The following FILIP1 variants were observed in gnomAD, a reference collection of about 807,000 sequenced individuals.
The protein encoded by FILIP1 is filamin-A-interacting protein 1.
Under a neutral mutation model 102.1 loss-of-function variants are expected in FILIP1, and 61 were observed. That is an observed-to-expected ratio of 0.60 (90% CI 0.49 to 0.74). The LOEUF is 0.74. Among genes scored for constraint, FILIP1 ranks in the 30% least tolerant of loss-of-function variants. The pLI, the probability that FILIP1 is intolerant of heterozygous loss-of-function variation, is 0.00. For synonymous variants in FILIP1, 491 were observed against 526.9 expected (o/e 0.93, Z 0.93); for missense variants, 1,314 against 1,441.2 (o/e 0.91, Z 1.43).
In FILIP1 at chr6:75,308,725, C is replaced by T; in HGVS notation, c.3608G>A (p.Ser1203Asn). Residue 1203 changes from serine to asparagine, a missense_variant, in exon 6 of 6, where the codon AGC (serine) becomes AAC (asparagine). By Grantham distance (46) the Ser-to-Asn change is conservative. Coordinates refer to ENST00000237172, the MANE Select transcript of FILIP1 (RefSeq NM_015687.5). ...CCCCCCTCCGAGAGAGGTGGTGCTGCTGGCTGCAGATTTCTTCAGCTCTAT... is the reference window on the plus strand; with the variant it reads ...CCCCCCTCCGAGAGAGGTGGTGCTGTTGGCTGCAGATTTCTTCAGCTCTAT... The part of the protein sequence containing the change: ...MKIELKKSAA[S>N]STTSLGGGKG 6.2e-7 allele frequency: 1 copy of T among 1,613,510 alleles called. No homozygotes were observed.
intron 1 of FILIP1, among the ~76,000 whole-genome samples, chr6:75,469,902 G>GA (rs1779281387): frequency 1.3e-5 from 2 of 151,896 alleles, no homozygotes; most frequent in South Asian, 4.2e-4. Context: ...GTTTATGTGG[G>GA]AAAAAACTAA....
chr6:75,334,183 G>A (rs190028701), intron 4 of FILIP1, among the ~76,000 whole-genome samples: 1 of 152,282 alleles, frequency 6.6e-6, no homozygotes, highest in East Asian at 1.9e-4. Flanking sequence ...AAGGCTGACT[G>A]TTAAAAGCCT....
chr6:75,372,696 AGAAAGAAAGAAAGAAAG>A (rs1775590718), intron 2 of FILIP1, among the ~76,000 whole-genome samples: 1 of 40,332 alleles, frequency 2.5e-5, no homozygotes, highest in Non-Finnish European at 4.5e-5. Flanking sequence ...AGAAAGAAAG[AGAAAGAAAGAAAGAAAG>A]GAAAGAAAGA....
In FILIP1 at chr6:75,415,669, T is replaced by C. The variant is rs73749472; in HGVS notation, c.-6-691A>G. 7.5e-3 allele frequency among the ~76,000 whole-genome samples: 1,148 copies of C among 152,160 alleles called. 16 individuals carry two copies. Among genetic ancestry groups the C allele is most frequent in the African/African-American group, 0.027 (1,107 of 41,540 alleles). On this transcript the variant is annotated intron_variant, in intron 1 of 5. Transcript: ENST00000237172. ...TTCTATTTTCCCATAGCCTCTATTT[T>C]AAAATCAGGTCTTTTAATGTCATTT...
At chr6:75,474,486 C>T (rs1389142086) in intron 1 of FILIP1, among the ~76,000 whole-genome samples, 7 of 152,068 alleles carry the variant, frequency 4.6e-5, no homozygotes, top group Admixed American at 3.3e-4. Context: ...ATGTCAGACC[C>T]GACAATGGGT....
At chr6:75,416,599 AAAAG>A (rs887601171) in intron 1 of FILIP1, among the ~76,000 whole-genome samples, 11 of 152,194 alleles carry the variant, frequency 7.2e-5, no homozygotes, top group Middle Eastern at 3.4e-3. Context: ...AAAAAAAAAA[AAAAG>A]AAGTGATGAA....
intron 4 of FILIP1, among the ~76,000 whole-genome samples, chr6:75,328,079 C>A (rs539892698): frequency 6.6e-6 from 1 of 152,126 alleles, no homozygotes; most frequent in African/African-American, 2.4e-5. Context: ...CAATAAATTG[C>A]AAGATAAAAT....
Position 75,314,704 on chromosome 6 carries a change from G to T in FILIP1, c.1128C>A (p.Leu376=). The T allele has an allele frequency of 6.2e-7, 1 of 1,614,044 alleles. No individual in the cohort carries two copies. The highest frequency in any genetic ancestry group is 8.5e-7 in the Non-Finnish European group (1 of 1,180,016). The change falls in exon 5 of 6, where the codon CTC becomes CTA. Residue 376 remains leucine, a synonymous_variant. Transcript: ENST00000237172. ...TTCGAAGATTTTCCACTTCTGCCAT[G>T]AGGCTAGAGTTTCCACATTCTCCTT... ...IAKGECGNSS[L]MAEVENLRKR... is the part of the protein sequence containing the mutation.
intron 1 of FILIP1, among the ~76,000 whole-genome samples, chr6:75,438,103 A>G (rs1007944192): frequency 2.6e-5 from 4 of 152,228 alleles, no homozygotes; most frequent in Non-Finnish European, 4.4e-5. Context: ...TTTTACTGTC[A>G]TGAATTTCAG....
intron 2 of FILIP1, among the ~76,000 whole-genome samples, chr6:75,386,808 C>T (rs1776108840): frequency 6.6e-6 from 1 of 152,092 alleles, no homozygotes; most frequent in Non-Finnish European, 1.5e-5. Context: ...TCTCTCTCAC[C>T]CTCCAAACTC....
At position 75,312,713 on chromosome 6, in the gene FILIP1, G is replaced by A. The variant is rs1157657019; in HGVS notation, c.3119C>T (p.Thr1040Ile). 1 of 1,614,062 alleles carries A rather than the reference G, an allele frequency of 6.2e-7. No homozygotes were observed. ...MPMGRTILKV[T>I]PEKQTVPTPV... ...AGTTGGAACAGTCTGTTTTTCTGGG[G>A]TGACTTTGAGGATTGTCCGTCCCAT... is the stretch of plus-strand genomic sequence containing the variant. Residue 1040 changes from threonine (T) to isoleucine (I), a missense_variant, in exon 5 of 6, where the codon ACC (threonine) becomes ATC (isoleucine). Transcript: ENST00000237172.
chr6:75,447,096 C>T (rs1778464635), intron 1 of FILIP1, among the ~76,000 whole-genome samples: 1 of 151,946 alleles, frequency 6.6e-6, no homozygotes, highest in Non-Finnish European at 1.5e-5. Context: ...GAAAAAGAAA[C>T]GATTAAGGCA....
At chr6:75,470,601 C>T (rs1779300316) in intron 1 of FILIP1, among the ~76,000 whole-genome samples, 1 of 152,076 alleles carries the variant, frequency 6.6e-6, no homozygotes, top group Non-Finnish European at 1.5e-5. Flanking sequence ...CTATAGAACA[C>T]ATATGTTGAT....
intron 1 of FILIP1, among the ~76,000 whole-genome samples, chr6:75,435,320 G>A (rs1428687197): frequency 6.6e-6 from 1 of 152,126 alleles, no homozygotes. Context: ...CAATTCAGAG[G>A]TCCCTACAGA....
intron 1 of FILIP1, among the ~76,000 whole-genome samples, chr6:75,468,613 A>T (rs1237046165): frequency 6.6e-6 from 1 of 152,224 alleles, no homozygotes; most frequent in Non-Finnish European, 1.5e-5. Flanking sequence ...AGTATAAAAT[A>T]AAAGTTAGGA....
intron 1 of FILIP1, among the ~76,000 whole-genome samples, chr6:75,440,552 C>T (rs971205455): frequency 6.6e-6 from 1 of 152,240 alleles, no homozygotes; most frequent in African/African-American, 2.4e-5. Context: ...AGATTGACTT[C>T]CTGTGTTCAA....
chr6:75,371,017 G>A (rs1020927745), intron 2 of FILIP1, among the ~76,000 whole-genome samples: 14 of 152,110 alleles, frequency 9.2e-5, no homozygotes, highest in Non-Finnish European at 7.3e-5. Flanking sequence ...ATTTACCTGA[G>A]TTGGATAAAT....
chr6:75,358,044 G>A (rs1183104452), intron 3 of FILIP1, among the ~76,000 whole-genome samples: 1 of 152,120 alleles, frequency 6.6e-6, no homozygotes, highest in African/African-American at 2.4e-5. Flanking sequence ...CGAAGTGGAA[G>A]GAAAATTGAA....
intron 4 of FILIP1, among the ~76,000 whole-genome samples, chr6:75,338,164 A>T (rs1774304573): frequency 6.6e-6 from 1 of 152,216 alleles, no homozygotes; most frequent in Non-Finnish European, 1.5e-5. Context: ...AATATTTTTT[A>T]AAATCCTTAA....
Sources: gnomAD v4.1 joint callset for allele counts (sites outside exome capture counted in the v4.1 genomes callset) on GRCh38, gnomAD v4.1.1 for gene constraint, MANE v1.5 for transcripts, NCBI Gene and HGNC (gene_info 2026-07-23, HGNC 2026-07-21) for gene names.